Variants in GOLM2 observed in about 807,000 individuals in gnomAD.
GOLM2 encodes the protein golgi membrane protein 2, also known as protein GOLM2.
Under a neutral mutation model 55.9 loss-of-function variants are expected in GOLM2, and 26 were observed. That is an observed-to-expected ratio of 0.47 (90% confidence interval 0.34 to 0.65). GOLM2 has a LOEUF of 0.65. Among genes scored for constraint, GOLM2 ranks in the 30% least tolerant of loss-of-function variants. GOLM2 has a pLI of 0.01. For synonymous variants in GOLM2, 165 were observed against 194.6 expected (o/e 0.85, Z 1.27); for missense variants, 486 against 531.8 (o/e 0.91, Z 0.85).
intron 4 of GOLM2, among the ~76,000 whole-genome samples, chr15:44,334,240 C>G (rs534621647): frequency 3.3e-5 from 5 of 152,272 alleles, no homozygotes; most frequent in Admixed American, 2.0e-4. Context: ...TCAGCCCTTA[C>G]CCTCTAGATC....
Position 44,337,869 on chromosome 15 carries a change from A to G in GOLM2, c.683A>G (p.Asn228Ser). 3.1e-6 allele frequency: 5 copies of G among 1,604,914 alleles called. No homozygotes were observed. The highest frequency in any genetic ancestry group is 4.2e-6 in the Non-Finnish European group (5 of 1,178,006). Reference protein sequence around the residue: ...PKVAENVADKNEEPSSNHIPH... With the variant: ...PKVAENVADKSEEPSSNHIPH... Reference sequence around the variant, plus strand: ...GTAGCTGAGAATGTTGCAGATAAGAATGAAGAACCCTCAAGCAATCATATT... The same window carrying G: ...GTAGCTGAGAATGTTGCAGATAAGAGTGAAGAACCCTCAAGCAATCATATT... Residue 228 changes from asparagine to serine, a missense_variant, in exon 5 of 10, where the codon AAT becomes AGT. Coordinates refer to ENST00000299957, the MANE Select transcript of GOLM2 (RefSeq NM_138423.4).
At chr15:44,309,261 C>A in intron 1 of GOLM2, among the ~76,000 whole-genome samples, 1 of 152,248 alleles carries the variant, frequency 6.6e-6, no homozygotes, top group Middle Eastern at 3.4e-3. Context: ...ATATTATGAT[C>A]TGGCAATCCC....
intron 4 of GOLM2, among the ~76,000 whole-genome samples, chr15:44,335,231 A>G (rs368879917): frequency 6.6e-6 from 1 of 152,144 alleles, no homozygotes; most frequent in Non-Finnish European, 1.5e-5. Context: ...GGATTTTAAC[A>G]TTAGGGAAAA....
intron 1 of GOLM2, 70 bp from the exon 2 acceptor site, chr15:44,322,895 T>C: frequency 9.3e-7 from 1 of 1,072,002 alleles, no homozygotes; most frequent in South Asian, 1.5e-5. Context: ...AAGCTCAAAG[T>C]GAATATGAAC....
intron 6 of GOLM2, among the ~76,000 whole-genome samples, chr15:44,343,207 C>T (rs2079100221): frequency 6.6e-6 from 1 of 151,644 alleles, no homozygotes. Flanking sequence ...GTGGTGGGCA[C>T]CTGTAATCCC....
At chr15:44,411,930 G>A (rs983904342) in intron 9 of GOLM2, among the ~76,000 whole-genome samples, 5 of 152,058 alleles carry the variant, frequency 3.3e-5, no homozygotes, top group African/African-American at 1.2e-4. Context: ...AATACTCTTG[G>A]CTGAGGCCGG....
At chr15:44,403,723 A>G (rs1026365151) in intron 9 of GOLM2, among the ~76,000 whole-genome samples, 7 of 152,128 alleles carry the variant, frequency 4.6e-5, no homozygotes, top group Non-Finnish European at 8.8e-5. Context: ...ATCTAAAAAC[A>G]TTTTGTTATT....
intron 6 of GOLM2, among the ~76,000 whole-genome samples, chr15:44,372,720 C>T (rs989552035): frequency 6.6e-6 from 1 of 152,152 alleles, no homozygotes; most frequent in African/African-American, 2.4e-5. Flanking sequence ...AGTCCCAGCC[C>T]CCAGTTACCT....
chr15:44,319,979 C>G (rs867241868), intron 1 of GOLM2, among the ~76,000 whole-genome samples: 21 of 152,318 alleles, frequency 1.4e-4, no homozygotes, highest in South Asian at 1.0e-3. Flanking sequence ...GTGCATTTTA[C>G]TATATCTAAA....
chr15:44,337,755 T>A lies in GOLM2; in HGVS notation c.577-8T>A. 1 of 1,556,466 alleles carries A rather than the reference T, an allele frequency of 6.4e-7. No individual in the cohort carries two copies. Among genetic ancestry groups the A allele is most frequent in the Non-Finnish European group, 8.6e-7 (1 of 1,161,172 alleles). On this transcript the variant is annotated splice_polypyrimidine_tract_variant and splice_region_variant and intron_variant, in intron 4 of 9. Coordinates refer to ENST00000299957, the MANE Select transcript of GOLM2 (RefSeq NM_138423.4). ...TGAAAAATATTATTACCAAATTTTG[T>A]CTAACAGCAAGAGACCCAAAAGATT...
chr15:44,371,249 T>G (rs2141185656), intron 6 of GOLM2, among the ~76,000 whole-genome samples: 1 of 152,356 alleles, frequency 6.6e-6, no homozygotes, highest in East Asian at 1.9e-4. Flanking sequence ...CATGGTCTTG[T>G]GCTGATGGTT....
At chr15:44,407,592 C>A (rs1279208526) in intron 9 of GOLM2, among the ~76,000 whole-genome samples, 1 of 151,520 alleles carries the variant, frequency 6.6e-6, no homozygotes, top group Non-Finnish European at 1.5e-5. Context: ...TGGCTTTTTG[C>A]CCCGAATTCT....
chr15:44,304,959 C>G (rs2078826340), intron 1 of GOLM2, among the ~76,000 whole-genome samples: 1 of 152,148 alleles, frequency 6.6e-6, no homozygotes, highest in Non-Finnish European at 1.5e-5. Flanking sequence ...CAACTTATTC[C>G]AAACTCATGT....
intron 1 of GOLM2, among the ~76,000 whole-genome samples, chr15:44,317,668 C>A (rs1038817364): frequency 1.3e-5 from 2 of 152,114 alleles, no homozygotes; most frequent in African/African-American, 4.8e-5. Context: ...GAATGGCTCT[C>A]TGGTCGTCGC....
intron 1 of GOLM2, among the ~76,000 whole-genome samples, chr15:44,294,565 T>G (rs577851419): frequency 6.6e-6 from 1 of 151,492 alleles, no homozygotes; most frequent in East Asian, 1.9e-4. Flanking sequence ...ATACAAAAAA[T>G]TAGTCGGGTA....
chr15:44,374,161 A>T (rs1477216132), intron 6 of GOLM2, among the ~76,000 whole-genome samples: 1 of 152,152 alleles, frequency 6.6e-6, no homozygotes, highest in Non-Finnish European at 1.5e-5. Context: ...CTACACTGAT[A>T]ACTCTGCTTT....
intron 1 of GOLM2, among the ~76,000 whole-genome samples, chr15:44,313,252 CAAAAAT>C (rs1316392713): frequency 6.6e-6 from 1 of 152,126 alleles, no homozygotes; most frequent in Non-Finnish European, 1.5e-5. Flanking sequence ...AACTCCATAT[CAAAAAT>C]AAAAAATATT....
At chr15:44,346,425 TGTAGCTAAG>T (rs2141154731) in intron 6 of GOLM2, among the ~76,000 whole-genome samples, 1 of 152,322 alleles carries the variant, frequency 6.6e-6, no homozygotes, top group East Asian at 1.9e-4. Flanking sequence ...GATTACATTA[TGTAGCTAAG>T]GCAGAAAAAC....
chr15:44,362,397 AACAG>A (rs1157011794), intron 6 of GOLM2, among the ~76,000 whole-genome samples: 1 of 151,082 alleles, frequency 6.6e-6, no homozygotes, highest in African/African-American at 2.4e-5. Flanking sequence ...ATACACCAAT[AACAG>A]ACAAACAGAG....
Sources: allele counts gnomAD v4.1 joint callset (sites outside exome capture counted in the v4.1 genomes callset), GRCh38; gene constraint gnomAD v4.1.1; transcripts MANE v1.5; gene names NCBI Gene and HGNC (gene_info 2026-07-23, HGNC 2026-07-21).